Variants in CTNNBL1 observed in about 807,000 individuals in gnomAD.
The protein encoded by CTNNBL1 is catenin beta like 1, also known as beta-catenin-like protein 1.
In CTNNBL1, 31 loss-of-function variants were observed where a neutral mutation model predicts 72.7. The observed-to-expected ratio is 0.43, with a 90% confidence interval of 0.32 to 0.58. CTNNBL1 has a LOEUF of 0.58. CTNNBL1 is among the 20% of genes least tolerant of loss of function. The probability of loss-of-function intolerance (pLI) is 0.08; values close to 1 mark genes in which losing one functional copy is unlikely to be tolerated. For synonymous variants in CTNNBL1, 240 were observed against 267.3 expected (o/e 0.90, Z 1.00); for missense variants, 534 against 725.1 (o/e 0.74, Z 3.03).
chr20:37,832,869 G>A (rs1030188282), intron 11 of CTNNBL1, among the ~76,000 whole-genome samples: 1 of 151,754 alleles, frequency 6.6e-6, no homozygotes, highest in African/African-American at 2.4e-5. Context: ...CACTATAAAT[G>A]GCTGGTTGGA....
intron 1 of CTNNBL1, among the ~76,000 whole-genome samples, chr20:37,729,493 T>G (rs1334564228): frequency 6.6e-6 from 1 of 152,166 alleles, no homozygotes; most frequent in Non-Finnish European, 1.5e-5. Context: ...TTTTTTCTAT[T>G]TTGCATTTCT....
chr20:37,838,834 C>T (rs2072276958), intron 11 of CTNNBL1, among the ~76,000 whole-genome samples: 1 of 152,148 alleles, frequency 6.6e-6, no homozygotes, highest in African/African-American at 2.4e-5. Context: ...CTGCAGTGAG[C>T]CCTGATCGTG....
chr20:37,733,333 T>C (rs1402434528), intron 2 of CTNNBL1, among the ~76,000 whole-genome samples: 1 of 152,270 alleles, frequency 6.6e-6, no homozygotes, highest in Middle Eastern at 3.4e-3. Flanking sequence ...TGGATCTTAC[T>C]GAGGACACAT....
intron 11 of CTNNBL1, among the ~76,000 whole-genome samples, chr20:37,806,861 G>T (rs2071964761): frequency 6.6e-6 from 1 of 152,226 alleles, no homozygotes; most frequent in Non-Finnish European, 1.5e-5. Flanking sequence ...TTTCACAAGA[G>T]TGTGTTTTTT....
chr20:37,778,698 C>A (rs1261507198), intron 9 of CTNNBL1, among the ~76,000 whole-genome samples: 2 of 152,180 alleles, frequency 1.3e-5, no homozygotes, highest in South Asian at 2.1e-4. Flanking sequence ...AGCCACGATT[C>A]AGCCCTCTGG....
intron 1 of CTNNBL1, among the ~76,000 whole-genome samples, chr20:37,719,126 G>T (rs1290996788): frequency 6.6e-6 from 1 of 152,194 alleles, no homozygotes; most frequent in Non-Finnish European, 1.5e-5. Context: ...ATATGGCCCA[G>T]TGTGGTATAA....
chr20:37,744,429 G>T (rs940192286), intron 3 of CTNNBL1, among the ~76,000 whole-genome samples: 4 of 152,172 alleles, frequency 2.6e-5, no homozygotes, highest in Non-Finnish European at 2.9e-5. Flanking sequence ...AAAGGGAAAA[G>T]AAATGGAAAT....
At chr20:37,789,736 A>G (rs1713305960) in intron 10 of CTNNBL1, among the ~76,000 whole-genome samples, 1 of 152,232 alleles carries the variant, frequency 6.6e-6, no homozygotes, top group African/African-American at 2.4e-5. Context: ...ACCACAAAGC[A>G]CTTTTTAACA....
intron 5 of CTNNBL1, among the ~76,000 whole-genome samples, chr20:37,758,607 G>A (rs890346470): frequency 5.3e-5 from 8 of 152,212 alleles, no homozygotes; most frequent in South Asian, 2.1e-4. Context: ...GCTGGCCAGC[G>A]GCAGAAGTGC....
intron 13 of CTNNBL1, among the ~76,000 whole-genome samples, chr20:37,843,749 T>C (rs998284885): frequency 6.6e-6 from 1 of 152,226 alleles, no homozygotes; most frequent in African/African-American, 2.4e-5. Context: ...CCTTGGCTAG[T>C]ATCATTCATG....
intron 1 of CTNNBL1, among the ~76,000 whole-genome samples, chr20:37,701,935 T>C (rs1008942339): frequency 2.6e-5 from 4 of 150,970 alleles, no homozygotes; most frequent in African/African-American, 7.4e-5. Flanking sequence ...CATTGTACGC[T>C]CATCTCAGCT....
Position 37,794,659 on chromosome 20 carries a change from AT to A in CTNNBL1, c.1032-8194del, listed in dbSNP as rs151203828. Among the ~76,000 whole-genome samples the A allele has an allele frequency of 4.5e-3, 646 of 143,506 alleles. 5 individuals carry two copies. The highest frequency in any genetic ancestry group is 0.012 in the African/African-American group (477 of 39,234). The allele number at this position is 143,506 out of a possible 152,430, so 94.1% of individuals were successfully genotyped here. A position where few individuals can be genotyped will look rare whatever the true frequency, so the allele number is the denominator to read the frequency against. ...AGGTACCCACCACGACACCTGGCTA[AT>A]TTTTTTTTTTTTTCTACTTTAAGTA... On this transcript the variant is annotated intron_variant, in intron 10 of 15. Transcript: ENST00000361383.
At chr20:37,760,987 TAA>T (rs199904274) in intron 5 of CTNNBL1, among the ~76,000 whole-genome samples, 69 of 138,614 alleles carry the variant, frequency 5.0e-4, no homozygotes, top group Non-Finnish European at 4.9e-4. Context: ...AGCTTTAGTT[TAA>T]AAAAAAAAAA....
intron 1 of CTNNBL1, among the ~76,000 whole-genome samples, chr20:37,722,473 A>AAAATAAATAAAT (rs60211876): frequency 7.0e-5 from 10 of 142,270 alleles, no homozygotes; most frequent in African/African-American, 1.6e-4. Flanking sequence ...GGCTCCGTCT[A>AAAATAAATAAAT]AAATAAATAA....
At chr20:37,696,435 CT>C (rs57358123) in intron 1 of CTNNBL1, among the ~76,000 whole-genome samples, 2,049 of 89,640 alleles carry the variant, frequency 0.023, 19 homozygotes, top group African/African-American at 0.083. Context: ...TGTACAATAT[CT>C]TTTTTTTTTT....
chr20:37,777,511 T>G (rs2073586729), intron 8 of CTNNBL1, 94 bp downstream of exon 8: 3 of 1,418,194 alleles, frequency 2.1e-6, no homozygotes, highest in Admixed American at 3.4e-5. Context: ...TGGCATCCCC[T>G]TGCTCTCCCT....
chr20:37,797,085 T>C (rs1600493867), intron 10 of CTNNBL1, among the ~76,000 whole-genome samples: 2 of 152,330 alleles, frequency 1.3e-5, no homozygotes, highest in Non-Finnish European at 2.9e-5. Flanking sequence ...TGAAATTGCC[T>C]GTGGTCGTAT....
Position 37,859,602 on chromosome 20 carries a change from CT to C in CTNNBL1, c.1393-295del, listed in dbSNP as rs1467823691. On this transcript the variant is annotated intron_variant, in intron 13 of 15. Coordinates refer to ENST00000361383, the MANE Select transcript of CTNNBL1 (RefSeq NM_030877.5). ...ATAGCTTGGATTTGTGTCCCGTCAG[CT>C]TGTTTTTTTTTTTTTTAGCTTTTTT... Among the ~76,000 whole-genome samples the C allele has an allele frequency of 6.3e-5, 4 of 63,938 alleles. No individual in the cohort carries two copies. The East Asian group carries it at 2.4e-3, about 38-fold the overall frequency. The allele number at this position is 63,938 out of a possible 152,430, so 41.9% of individuals were successfully genotyped here.
chr20:37,807,059 C>T (rs893729784), intron 11 of CTNNBL1, among the ~76,000 whole-genome samples: 3 of 152,176 alleles, frequency 2.0e-5, no homozygotes, highest in African/African-American at 7.2e-5. Flanking sequence ...CCCGTCATAG[C>T]CCCTGTCACC....
Sources: allele counts gnomAD v4.1 joint callset (sites outside exome capture counted in the v4.1 genomes callset), GRCh38; gene constraint gnomAD v4.1.1; transcripts MANE v1.5; gene names NCBI Gene and HGNC (gene_info 2026-07-23, HGNC 2026-07-21).